The following LRMDA variants were observed in gnomAD, a reference collection of about 807,000 sequenced individuals.
LRMDA encodes leucine rich melanocyte differentiation associated, also known as leucine-rich melanocyte differentiation-associated protein.
LRMDA carries 18 observed loss-of-function variants against 29.8 expected under a neutral mutation model. The ratio of observed to expected loss-of-function variants is 0.60; its 90% confidence interval spans 0.42 to 0.90. LRMDA has a LOEUF of 0.90. LRMDA is among the 40% of genes least tolerant of loss of function. LRMDA has a pLI of 0.00. For synonymous variants in LRMDA, 125 were observed against 109.4 expected (o/e 1.14, Z -0.89); for missense variants, 273 against 273.9 (o/e 1.00, Z 0.02).
At chr10:75,653,456 C>A (rs535108596) in intron 2 of LRMDA, among the ~76,000 whole-genome samples, 2 of 152,196 alleles carry the variant, frequency 1.3e-5, no homozygotes, top group African/African-American at 4.8e-5. Flanking sequence ...AAGGAGGACT[C>A]TAAATCTAAT....
At chr10:75,735,734 A>G (rs576482902) in intron 2 of LRMDA, among the ~76,000 whole-genome samples, 3 of 152,274 alleles carry the variant, frequency 2.0e-5, no homozygotes, top group African/African-American at 7.2e-5. Context: ...CACTGTTAAT[A>G]GTCATCACCA....
chr10:76,370,086 A>T (rs1841435598), intron 6 of LRMDA, among the ~76,000 whole-genome samples: 1 of 149,988 alleles, frequency 6.7e-6, no homozygotes. Flanking sequence ...TAGACTGCAG[A>T]TCATTTGCAC....
intron 3 of LRMDA, among the ~76,000 whole-genome samples, chr10:76,039,757 A>G (rs1236618350): frequency 1.3e-5 from 2 of 152,224 alleles, no homozygotes; most frequent in Non-Finnish European, 2.9e-5. Context: ...AATGCAGACA[A>G]TGCTAGTACC....
At chr10:76,056,880 G>T (rs1428951325) in intron 4 of LRMDA, among the ~76,000 whole-genome samples, 1 of 152,254 alleles carries the variant, frequency 6.6e-6, no homozygotes, top group East Asian at 1.9e-4. Flanking sequence ...ACTCAGGAGG[G>T]CATGGGGCTC....
At position 75,852,564 on chromosome 10, in the gene LRMDA, G is replaced by A. The variant is rs1844750925; in HGVS notation, c.132-183444G>A. Among the ~76,000 whole-genome samples the A allele has an allele frequency of 2.0e-5, 3 of 152,020 alleles. No individual in the cohort carries two copies. In the South Asian group the frequency reaches 6.3e-4, roughly 32 times the overall value. On this transcript the variant is annotated intron_variant, in intron 2 of 6. Coordinates refer to ENST00000611255, the MANE Select transcript of LRMDA (RefSeq NM_001305581.2). ...CAACAAAAAAAACAACAAAAAAATA[G>A]TAATCTCTTGGGTGTGGTCTCAAAA...
intron 2 of LRMDA, among the ~76,000 whole-genome samples, chr10:75,832,968 T>G (rs1844372100): frequency 6.6e-6 from 1 of 151,988 alleles, no homozygotes; most frequent in Non-Finnish European, 1.5e-5. Context: ...GGACACAGAG[T>G]CAAACCATTT....
At chr10:75,650,697 C>G (rs575375047) in intron 2 of LRMDA, among the ~76,000 whole-genome samples, 1 of 152,122 alleles carries the variant, frequency 6.6e-6, no homozygotes. Flanking sequence ...AATGGTCTTT[C>G]AAGTCTTTAA....
chr10:76,290,465 C>T (rs1396902794), intron 5 of LRMDA, among the ~76,000 whole-genome samples: 1 of 126,138 alleles, frequency 7.9e-6, no homozygotes, highest in Non-Finnish European at 1.6e-5. Context: ...GTTGCCCAGG[C>T]TGGCTGGCGT....
intron 2 of LRMDA, among the ~76,000 whole-genome samples, chr10:75,725,087 G>T (rs889487100): frequency 3.9e-5 from 6 of 152,184 alleles, no homozygotes; most frequent in Admixed American, 1.3e-4. Flanking sequence ...TTGGTTATCT[G>T]TACAGGTATT....
chr10:75,468,392 C>T (rs1202461982), intron 2 of LRMDA, among the ~76,000 whole-genome samples: 6 of 152,078 alleles, frequency 3.9e-5, no homozygotes, highest in Admixed American at 3.9e-4. Context: ...GTGGTCATTG[C>T]ATGTAGGGGA....
At chr10:75,500,431 A>G (rs149723308) in intron 2 of LRMDA, among the ~76,000 whole-genome samples, 228 of 152,346 alleles carry the variant, frequency 1.5e-3, no homozygotes, top group African/African-American at 5.1e-3. Context: ...AGGGTCTCAT[A>G]GCTGAGAAGT....
chr10:76,271,822 A>G (rs1218548740), intron 5 of LRMDA, among the ~76,000 whole-genome samples: 2 of 152,198 alleles, frequency 1.3e-5, no homozygotes, highest in African/African-American at 2.4e-5. Context: ...AAAAATCTGA[A>G]TTACTTCCCC....
At chr10:75,932,772 T>C (rs1846227850) in intron 2 of LRMDA, among the ~76,000 whole-genome samples, 1 of 152,248 alleles carries the variant, frequency 6.6e-6, no homozygotes, top group Admixed American at 6.5e-5. Flanking sequence ...CACTTTATCT[T>C]GGCTATTCTA....
At chr10:76,149,937 A>AG (rs1187157955) in intron 5 of LRMDA, among the ~76,000 whole-genome samples, 2 of 152,240 alleles carry the variant, frequency 1.3e-5, no homozygotes, top group Non-Finnish European at 2.9e-5. Flanking sequence ...AAGCCCTGGG[A>AG]GGGAGAAGAA....
intron 2 of LRMDA, among the ~76,000 whole-genome samples, chr10:75,825,250 A>G (rs1278956261): frequency 9.3e-6 from 1 of 107,514 alleles, no homozygotes; most frequent in Non-Finnish European, 2.1e-5. Flanking sequence ...AAATAAATAC[A>G]TTTTCTAAGA....
At chr10:75,774,948 T>C (rs1044171289) in intron 2 of LRMDA, among the ~76,000 whole-genome samples, 3 of 152,212 alleles carry the variant, frequency 2.0e-5, no homozygotes, top group African/African-American at 4.8e-5. Flanking sequence ...AAGAATGATA[T>C]CAGCGGTGGG....
Position 75,878,088 on chromosome 10 carries a change from T to G in LRMDA, c.132-157920T>G, listed in dbSNP as rs1230082790. Among the ~76,000 whole-genome samples the G allele has an allele frequency of 3.3e-5, 5 of 152,296 alleles. No homozygotes were observed. The East Asian group carries it at 9.7e-4, about 29-fold the overall frequency. Reference sequence around the variant, plus strand: ...TCTAGGGTTGAATGTTTACAGCTCTTGAAGCCCCAGTGGCGTATGTTACAG... The same window carrying G: ...TCTAGGGTTGAATGTTTACAGCTCTGGAAGCCCCAGTGGCGTATGTTACAG... On this transcript the variant is annotated intron_variant, in intron 2 of 6. Transcript: ENST00000611255.
At chr10:75,434,529 A>C (rs1200865606) in intron 1 of LRMDA, among the ~76,000 whole-genome samples, 1 of 152,206 alleles carries the variant, frequency 6.6e-6, no homozygotes, top group African/African-American at 2.4e-5. Flanking sequence ...AGTACCGGGA[A>C]TCAGATTTGT....
intron 2 of LRMDA, among the ~76,000 whole-genome samples, chr10:75,564,798 A>C (rs1840348869): frequency 6.6e-6 from 1 of 152,202 alleles, no homozygotes; most frequent in South Asian, 2.1e-4. Context: ...CAGTATGACC[A>C]TGGTATGGGG....
Sources: allele counts gnomAD v4.1 joint callset (sites outside exome capture counted in the v4.1 genomes callset), GRCh38; gene constraint gnomAD v4.1.1; transcripts MANE v1.5; gene names NCBI Gene and HGNC (gene_info 2026-07-23, HGNC 2026-07-21).